Variants in SNED1 observed in about 807,000 individuals in gnomAD.
SNED1 encodes sushi, nidogen and EGF like domains 1, also known as sushi, nidogen and EGF-like domain-containing protein 1.
A neutral mutation model predicts 166.7 loss-of-function variants in SNED1; 81 were observed. The observed-to-expected ratio is 0.49, with a 90% CI of 0.41 to 0.58. The LOEUF is 0.58. Among genes scored for constraint, SNED1 ranks in the 20% least tolerant of loss-of-function variants. SNED1 has a pLI of 0.00. For missense variants in SNED1, 1,604 were observed against 2,000.2 expected, an observed-to-expected ratio of 0.80 and a Z score of 3.78; for synonymous variants, 762 against 822.0, an observed-to-expected ratio of 0.93 and a Z score of 1.25.
chr2:241,001,802 GTTTCTTTGGCATCAGGACCCCCGACA>G (rs1216860233), intron 1 of SNED1, among the ~76,000 whole-genome samples: 2 of 152,154 alleles, frequency 1.3e-5, no homozygotes, highest in African/African-American at 4.8e-5. Context: ...GAGGATCTCA[GTTTCTTTGGCATCAGGACCCCCGACA>G]GAGCCCTGAG....
intron 16 of SNED1, among the ~76,000 whole-genome samples, chr2:241,059,382 G>A (rs2062161618): frequency 6.6e-6 from 1 of 152,122 alleles, no homozygotes; most frequent in South Asian, 2.1e-4. Context: ...AATCTAGGAG[G>A]GAAGAACACT....
intron 1 of SNED1, among the ~76,000 whole-genome samples, chr2:241,022,489 C>T (rs963592835): frequency 6.6e-6 from 1 of 152,118 alleles, no homozygotes. Context: ...ACTGTTCTTT[C>T]CCCCACTGAA....
chr2:241,078,201 G>A (rs1464662823), intron 27 of SNED1, among the ~76,000 whole-genome samples: 1 of 150,620 alleles, frequency 6.6e-6, no homozygotes, highest in Non-Finnish European at 1.5e-5. Context: ...TGGCCAACGC[G>A]GTGAAACCCC....
rs778318994 is a variant in SNED1, at chr2:241,062,905, G to C, written c.2371+1G>C. The C allele has an allele frequency of 1.3e-6, 2 of 1,585,492 alleles. No individual in the cohort carries two copies. The highest frequency in any genetic ancestry group is 2.3e-5 in the South Asian group (2 of 88,058). On this transcript the variant is annotated splice_donor_variant, in intron 17 of 31. Coordinates refer to ENST00000310397, the MANE Select transcript of SNED1 (RefSeq NM_001080437.3). LOFTEE classifies it high-confidence loss of function. ...TATGAGGGCGCCCACTGTGAGCTGG[G>C]TAAGAGGGGCCCTGGCCCCGCTGGG...
chr2:241,085,672 G>A (rs1015416398), intron 29 of SNED1, among the ~76,000 whole-genome samples: 1 of 151,966 alleles, frequency 6.6e-6, no homozygotes, highest in African/African-American at 2.4e-5. Flanking sequence ...GCTGGGCATT[G>A]TAAGTTTTAT....
chr2:241,036,496 G>A (rs2061374102), intron 4 of SNED1, among the ~76,000 whole-genome samples: 2 of 152,072 alleles, frequency 1.3e-5, no homozygotes, highest in Admixed American at 1.3e-4. Context: ...ACCTGTCCAC[G>A]GCAGCGCTGA....
chr2:241,055,108 C>T lies in SNED1; in HGVS notation c.2257+1782C>T, dbSNP rs540718446. Among the ~76,000 whole-genome samples the T allele has an allele frequency of 5.3e-5, 8 of 149,538 alleles. 1 individual carries two copies. Among genetic ancestry groups the T allele is most frequent in the African/African-American group, 1.5e-4 (6 of 40,092 alleles). Reference sequence around the variant, plus strand: ...CTCCTACTTGGGTGATAGAGTAAGACTCTGTCTCAAAAAAAAAAAAGAAAA... The same window carrying T: ...CTCCTACTTGGGTGATAGAGTAAGATTCTGTCTCAAAAAAAAAAAAGAAAA... On this transcript the variant is annotated intron_variant, in intron 16 of 31. Coordinates refer to ENST00000310397, the MANE Select transcript of SNED1 (RefSeq NM_001080437.3).
intron 27 of SNED1, among the ~76,000 whole-genome samples, chr2:241,078,753 C>A (rs2063170130): frequency 6.6e-6 from 1 of 151,756 alleles, no homozygotes; most frequent in South Asian, 2.1e-4. Flanking sequence ...TGCTTAAAAC[C>A]AATAAATTGT....
intron 16 of SNED1, among the ~76,000 whole-genome samples, chr2:241,057,412 T>TATATATATATATATATATATATATGC (rs1553574678): frequency 1.5e-5 from 2 of 129,380 alleles, no homozygotes; most frequent in African/African-American, 5.9e-5. Context: ...TATATATATA[T>TATATATATATATATATATATATATGC]GCCATACGCA....
chr2:241,064,982 G>A lies in SNED1; in HGVS notation c.2713+25G>A. 1.3e-6 allele frequency: 2 copies of A among 1,528,920 alleles called. No individual in the cohort carries two copies. The highest frequency in any genetic ancestry group is 1.8e-6 in the Non-Finnish European group (2 of 1,135,570). 94.7% of individuals were successfully genotyped at this position (1,528,920 alleles called of 1,614,324 possible). On this transcript the variant is annotated intron_variant, in intron 20 of 31. Transcript: ENST00000310397. The surrounding 1 kb of genome is among the most constrained non-coding windows in gnomAD (Gnocchi z 7.0). ...GGTGGGTGGCGAGGGCGCCTCCAGT[G>A]AGGGAGCCACGAGGGGGTCCCCTCT...
chr2:241,067,283 C>T (rs969155867), intron 21 of SNED1, among the ~76,000 whole-genome samples: 20 of 152,156 alleles, frequency 1.3e-4, no homozygotes, highest in Admixed American at 6.5e-5. Context: ...ACTGGCTGGG[C>T]GGGAAGCGGA....
At chr2:241,059,495 C>G (rs1476351121) in intron 16 of SNED1, among the ~76,000 whole-genome samples, 1 of 152,196 alleles carries the variant, frequency 6.6e-6, no homozygotes, top group Non-Finnish European at 1.5e-5. Flanking sequence ...TTTGAAGTTA[C>G]AGACTGGTAT....
chr2:241,001,011 A>G (rs1409201230), intron 1 of SNED1, among the ~76,000 whole-genome samples: 1 of 152,198 alleles, frequency 6.6e-6, no homozygotes, highest in Non-Finnish European at 1.5e-5. Context: ...TTCTGAAGGA[A>G]GTGGACCTGC....
Position 241,069,153 on chromosome 2 carries a change from G to T in SNED1, c.3307+130G>T. The T allele has an allele frequency of 1.6e-6, 1 of 639,876 alleles. No individual in the cohort carries two copies. The highest frequency in any genetic ancestry group is 2.7e-6 in the Non-Finnish European group (1 of 376,372). The allele number at this position is 639,876 out of a possible 1,614,324, so 39.6% of individuals were successfully genotyped here. The stretch of plus-strand genomic sequence containing the variant: ...AAACCCAGCCCCTGGCCTCCCAGAT[G>T]TCTCTTCCGCTGGGGCCACTGGGCA... On this transcript the variant is annotated intron_variant, in intron 23 of 31. Coordinates refer to ENST00000310397, the MANE Select transcript of SNED1 (RefSeq NM_001080437.3). This position sits in a 1 kb window ranked among gnomAD's most constrained non-coding sequence, Gnocchi z 4.9.
chr2:241,034,637 G>A lies in SNED1; in HGVS notation c.712G>A (p.Glu238Lys), dbSNP rs368976789. Residue 238 changes from glutamate (E) to lysine (K), a missense_variant, in exon 4 of 32, where the codon GAG becomes AAG. Coordinates refer to ENST00000310397, the MANE Select transcript of SNED1 (RefSeq NM_001080437.3). ...IPGSRTADMA[E>K]VETTTNVGVP... The stretch of plus-strand genomic sequence containing the variant: ...CGGCTCGCGCACAGCAGACATGGCC[G>A]AGGTGGAGACCACCACCAACGTGGG... 4.0e-5 allele frequency: 64 copies of A among 1,611,756 alleles called. No homozygotes were observed. The highest frequency in any genetic ancestry group is 8.8e-5 in the South Asian group (8 of 90,916).
intron 5 of SNED1, 141 bp from the exon 6 acceptor site, chr2:241,037,099 C>T: frequency 3.0e-6 from 3 of 1,012,010 alleles, no homozygotes; most frequent in Non-Finnish European, 4.4e-6. Context: ...GGAGTGAGCA[C>T]CATGGGCGGG....
Position 241,071,722 on chromosome 2 carries a change from T to A in SNED1, c.3734+2T>A, listed in dbSNP as rs1377569548. The A allele has an allele frequency of 7.7e-6, 8 of 1,039,336 alleles. No homozygotes were observed. The highest frequency in any genetic ancestry group is 1.1e-5 in the Non-Finnish European group (8 of 753,324). The allele number at this position is 1,039,336 out of a possible 1,614,324, so 64.4% of individuals were successfully genotyped here. On this transcript the variant is annotated splice_donor_variant, in intron 25 of 31. Coordinates refer to ENST00000310397, the MANE Select transcript of SNED1 (RefSeq NM_001080437.3). LOFTEE classifies it high-confidence loss of function. ...CGAGACCCCCACCCAGCCCCCCAGG[T>A]ACATGCCCCACCCATCGGCCCCATC... is the stretch of plus-strand genomic sequence containing the variant.
At chr2:241,065,063 G>A (rs1033573877) in intron 20 of SNED1, 106 bp downstream of exon 20, 20 of 945,370 alleles carry the variant, frequency 2.1e-5, no homozygotes, top group Non-Finnish European at 3.1e-5. Context: ...GCTTGCCCAG[G>A]CCCCTTCCCT....
At chr2:241,062,946 C>A in intron 17 of SNED1, 42 bp downstream of exon 17, 4 of 1,317,208 alleles carry the variant, frequency 3.0e-6, no homozygotes, top group Non-Finnish European at 3.1e-6. Context: ...AGCTGCAGCA[C>A]ACTGGCCATG....
Sources: gnomAD v4.1 joint callset for allele counts (sites outside exome capture counted in the v4.1 genomes callset) on GRCh38, gnomAD v4.1.1 for gene constraint, Gnocchi (gnomAD v3.1) non-coding constraint, MANE v1.5 for transcripts, NCBI Gene and HGNC (gene_info 2026-07-23, HGNC 2026-07-21) for gene names.